The following ARMC10 variants were observed in gnomAD, a reference collection of about 807,000 sequenced individuals.
ARMC10 encodes the protein armadillo repeat containing 10.
ARMC10 carries 23 observed loss-of-function variants against 30.2 expected under a neutral mutation model. The observed-to-expected ratio is 0.76, with a 90% CI of 0.55 to 1.08. The LOEUF (loss-of-function observed/expected upper bound fraction) is 1.08. Among genes scored for constraint, ARMC10 ranks in the 50% least tolerant of loss-of-function variants. ARMC10 has a pLI of 0.00. For missense variants in ARMC10, 303 were observed against 413.7 expected, an observed-to-expected ratio of 0.73 and a Z score of 2.32; for synonymous variants, 111 against 164.4, an observed-to-expected ratio of 0.68 and a Z score of 2.48.
chr7:103,079,169 CTTAAAA>C lies in ARMC10; in HGVS notation c.244+3290_244+3295del, dbSNP rs577212317. Among the ~76,000 whole-genome samples, 253 of 151,958 alleles carry C rather than the reference CTTAAAA, an allele frequency of 1.7e-3. 1 individual carries two copies. Among genetic ancestry groups the C allele is most frequent in the African/African-American group, 5.8e-3 (242 of 41,442 alleles). ...CAACTATGAATAAAGATATAAAAAT[CTTAAAA>C]TATTAGCAAGTCAAATCTATCAGGG... On this transcript the variant is annotated intron_variant, in intron 2 of 6. Transcript: ENST00000323716.
At chr7:103,089,178 G>A (rs748026330) in intron 4 of ARMC10, 4 of 250,432 alleles carry the variant, frequency 1.6e-5, no homozygotes, top group Non-Finnish European at 3.6e-5. Flanking sequence ...TCCTCCACTA[G>A]CCCCATGAAC....
Position 103,096,814 on chromosome 7 carries a change from A to G in ARMC10, c.706-463A>G, listed in dbSNP as rs570713149. On this transcript the variant is annotated intron_variant, in intron 5 of 6. Coordinates refer to ENST00000323716, the MANE Select transcript of ARMC10 (RefSeq NM_031905.5). ...AATCATAATGAAGATCGTGTATTTA[A>G]CAGATGTTAAGCTTACCAACTGTTC... 17 of 162,078 alleles carry G rather than the reference A, an allele frequency of 1.0e-4. No homozygotes were observed. The East Asian group carries it at 2.5e-3, about 24-fold the overall frequency. 10.0% of individuals were successfully genotyped at this position (162,078 alleles called of 1,614,324 possible).
At chr7:103,084,069 A>G (rs1342046752) in intron 3 of ARMC10, 3 of 1,468,610 alleles carry the variant, frequency 2.0e-6, no homozygotes, top group South Asian at 1.2e-5. Context: ...ATTCGTAAGT[A>G]TATCTAATCA....
rs762729207 is a variant in ARMC10 at position 103,075,366 on chromosome 7, C to T, written c.94C>T (p.Arg32Trp). ...CATTTACAGGCTGACCCGGGGTCGGCGGCGGGGCGACCGCGAGCTCGGGAT... is the reference window on the plus strand; with the variant it reads ...CATTTACAGGCTGACCCGGGGTCGGTGGCGGGGCGACCGCGAGCTCGGGAT... ...YCIYRLTRGR[R>W]RGDRELGIRS... is the part of the protein sequence containing the mutation. The change falls in exon 1 of 7, where the codon CGG becomes TGG. Residue 32 changes from arginine (R) to tryptophan (W), a missense_variant. Arg to Trp is a moderately radical substitution (Grantham distance 101, BLOSUM62 -3). Transcript: ENST00000323716. 16 of 1,279,816 alleles carry T rather than the reference C, an allele frequency of 1.3e-5. No homozygotes were observed. Among genetic ancestry groups the T allele is most frequent in the East Asian group, 2.9e-5 (1 of 34,720 alleles). The allele number at this position is 1,279,816 out of a possible 1,614,324, so 79.3% of individuals were successfully genotyped here.
chr7:103,094,392 T>A (rs148596961), intron 5 of ARMC10, among the ~76,000 whole-genome samples: 167 of 152,366 alleles, frequency 1.1e-3, no homozygotes, highest in Middle Eastern at 0.01. Flanking sequence ...TTGTTTAATC[T>A]GTAGTTGTAC....
rs1801993232 is a variant in ARMC10 at position 103,098,734 on chromosome 7, A to G, written c.*181A>G. ...TGGACTATTTTGATGCCAAGTGAAT[A>G]TAAGAGCTTGTACTGAAACCATTTA... On this transcript the variant is annotated 3_prime_UTR_variant, in exon 7 of 7. Transcript: ENST00000323716. 6.7e-6 allele frequency: 6 copies of G among 890,416 alleles called. No homozygotes were observed. Among genetic ancestry groups the G allele is most frequent in the Non-Finnish European group, 9.8e-6 (6 of 614,344 alleles). 55.2% of individuals were successfully genotyped at this position (890,416 alleles called of 1,614,324 possible).
At chr7:103,088,194 C>T (rs1009439595) in intron 4 of ARMC10, among the ~76,000 whole-genome samples, 3 of 152,094 alleles carry the variant, frequency 2.0e-5, no homozygotes, top group Admixed American at 6.6e-5. Context: ...TTCCACAAGA[C>T]GTATAGATCC....
In ARMC10 at chr7:103,098,530, G is replaced by T. The variant is rs1563334594; in HGVS notation, c.1009G>T (p.Val337Leu). 2.5e-6 allele frequency: 4 copies of T among 1,579,410 alleles called. No homozygotes were observed. The East Asian group carries it at 9.0e-5, about 36-fold the overall frequency. The change falls in exon 7 of 7, where the codon GTA becomes TTA. Residue 337 changes from valine to leucine, a missense_variant. This residue lies in a region of ARMC10 where 26 missense variants were observed against 94.7 expected (regional missense o/e 0.27). Transcript: ENST00000323716. ...HHDAEVKEKVVTIIPKI is the reference protein window; with the variant it reads ...HHDAEVKEKVLTIIPKI The stretch of plus-strand genomic sequence containing the variant: ...TGATGCAGAGGTGAAGGAAAAGGTT[G>T]TAACAATAATACCCAAAATCTGATT...
intron 5 of ARMC10, among the ~76,000 whole-genome samples, chr7:103,094,454 T>C (rs1801605586): frequency 2.0e-5 from 3 of 152,246 alleles, no homozygotes; most frequent in Non-Finnish European, 4.4e-5. Flanking sequence ...CTACAAAGAA[T>C]AGCAACATCA....
chr7:103,093,931 C>A (rs536091431), intron 5 of ARMC10, among the ~76,000 whole-genome samples: 32 of 152,270 alleles, frequency 2.1e-4, no homozygotes, highest in South Asian at 4.1e-4. Flanking sequence ...TGTGTTTTTC[C>A]ATTACATTGC....
intron 4 of ARMC10, among the ~76,000 whole-genome samples, chr7:103,091,901 C>A (rs892947615): frequency 1.3e-5 from 2 of 152,130 alleles, no homozygotes; most frequent in African/African-American, 2.4e-5. Flanking sequence ...TGCAAGATAG[C>A]CGTAATAGTA....
At position 103,075,289 on chromosome 7, in the gene ARMC10, G is replaced by A. The variant is rs1371473391; in HGVS notation, c.17G>A (p.Gly6Asp). 5 of 1,223,124 alleles carry A rather than the reference G, an allele frequency of 4.1e-6. No homozygotes were observed. The highest frequency in any genetic ancestry group is 5.1e-6 in the Non-Finnish European group (5 of 981,984). The allele number at this position is 1,223,124 out of a possible 1,614,324, so 75.8% of individuals were successfully genotyped here. A position where few individuals can be genotyped will look rare whatever the true frequency, so the allele number is the denominator to read the frequency against. ...GGCGGCAGCATGGGTGGCCCCCGGG[G>A]CGCGGGCTGGGTGGCGGCGGGCCTG... MGGPRGAGWVAAGLLL... is the reference protein window; with the variant it reads MGGPRDAGWVAAGLLL... The change falls in exon 1 of 7, where the codon GGC becomes GAC. Residue 6 changes from glycine (G) to aspartate (D), a missense_variant. By Grantham distance (94) the Gly-to-Asp change is moderately conservative. Transcript: ENST00000323716.
chr7:103,089,481 C>T (rs751907292), intron 4 of ARMC10: 12 of 202,868 alleles, frequency 5.9e-5, no homozygotes, highest in Non-Finnish European at 1.2e-4. Context: ...TGACACCACA[C>T]GCATGAACCT....
At chr7:103,081,077 T>C (rs936151482) in intron 2 of ARMC10, among the ~76,000 whole-genome samples, 4 of 152,208 alleles carry the variant, frequency 2.6e-5, no homozygotes, top group African/African-American at 4.8e-5. Context: ...ACTTTAAATA[T>C]TCTAGGTACA....
intron 5 of ARMC10, among the ~76,000 whole-genome samples, chr7:103,095,375 T>G (rs1463450268): frequency 6.6e-6 from 1 of 152,236 alleles, no homozygotes; most frequent in African/African-American, 2.4e-5. Flanking sequence ...AATGCAGGCA[T>G]GCGCCACCGC....
chr7:103,098,416 G>A lies in ARMC10; in HGVS notation c.895G>A (p.Val299Met). 3 of 1,613,800 alleles carry A rather than the reference G, an allele frequency of 1.9e-6. No homozygotes were observed. Among genetic ancestry groups the A allele is most frequent in the Non-Finnish European group, 2.5e-6 (3 of 1,179,900 alleles). Residue 299 changes from valine (V) to methionine (M), a missense_variant, in exon 7 of 7, where the codon GTG becomes ATG. By Grantham distance (21) the Val-to-Met change is conservative (BLOSUM62 1). Coordinates refer to ENST00000323716, the MANE Select transcript of ARMC10 (RefSeq NM_031905.5). ...CCTCAAAATAGAAGGCCATTTAGCTGTGCAGCCTACTTTCACTGAAGGTTC... is the reference window on the plus strand; with the variant it reads ...CCTCAAAATAGAAGGCCATTTAGCTATGCAGCCTACTTTCACTGAAGGTTC... ...NCLKIEGHLA[V>M]QPTFTEGSLF...
rs557087313 is a variant in ARMC10, at chr7:103,087,646, G to A, written c.528+882G>A. 7.1e-5 allele frequency: 21 copies of A among 296,196 alleles called. No individual in the cohort carries two copies. The South Asian group carries it at 2.3e-3, about 32-fold the overall frequency. 18.3% of individuals were successfully genotyped at this position (296,196 alleles called of 1,614,324 possible). A position where few individuals can be genotyped will look rare whatever the true frequency, so the allele number is the denominator to read the frequency against. On this transcript the variant is annotated intron_variant, in intron 4 of 6. Coordinates refer to ENST00000323716, the MANE Select transcript of ARMC10 (RefSeq NM_031905.5). The stretch of plus-strand genomic sequence containing the variant: ...AAGACAATCACGAAACAAGAGACAG[G>A]AGGATGTGCTCCTATGAAGAAAAAA...
In ARMC10 at chr7:103,075,811, G is replaced by C. The variant is rs1477251060; in HGVS notation, c.174G>C (p.Leu58Phe). The change falls in exon 2 of 7, where the codon TTG becomes TTC. Residue 58 changes from leucine (L) to phenylalanine (F), a missense_variant. Coordinates refer to ENST00000323716, the MANE Select transcript of ARMC10 (RefSeq NM_031905.5). ...ALEEGTSEGQ[L>F]CGRSARPQTG... ...AAGAAGGGACGTCAGAGGGTCAGTT[G>C]TGCGGGCGCTCGGCCCGGCCTCAGA... is the stretch of plus-strand genomic sequence containing the variant. The C allele has an allele frequency of 2.5e-6, 4 of 1,611,206 alleles. No individual in the cohort carries two copies. Among genetic ancestry groups the C allele is most frequent in the Admixed American group, 3.4e-5 (2 of 59,658 alleles).
At chr7:103,086,536 AT>A (rs140996657) in intron 3 of ARMC10, 93 bp from the exon 4 acceptor site, 2 of 1,366,100 alleles carry the variant, frequency 1.5e-6, no homozygotes, top group Non-Finnish European at 2.0e-6. Context: ...AAAGCCGTTG[AT>A]TTTTAATTGT....
Sources: allele counts gnomAD v4.1 joint callset (sites outside exome capture counted in the v4.1 genomes callset), GRCh38; gene constraint gnomAD v4.1.1; regional missense constraint gnomAD v4.1.1; transcripts MANE v1.5; gene names NCBI Gene and HGNC (gene_info 2026-07-23, HGNC 2026-07-21).